PLEKHG4B: variants seen among roughly 807,000 people sequenced by gnomAD.
The protein encoded by PLEKHG4B is pleckstrin homology domain-containing family G member 4B.
PLEKHG4B carries 111 observed loss-of-function variants against 121.3 expected under a neutral mutation model. That is an observed-to-expected ratio of 0.92 (90% CI 0.78 to 1.07). The LOEUF (loss-of-function observed/expected upper bound fraction) is 1.07, where lower values mean the gene tolerates loss of function less well. Ranked by LOEUF, PLEKHG4B falls within the 50% of genes least tolerant of loss-of-function variation. PLEKHG4B has a pLI of 0.00. For missense variants in PLEKHG4B, 1,831 were observed against 1,757.8 expected, an observed-to-expected ratio of 1.04 and a Z score of -0.74; for synonymous variants, 738 against 725.0, an observed-to-expected ratio of 1.02 and a Z score of -0.29.
intron 2 of PLEKHG4B, among the ~76,000 whole-genome samples, chr5:117,103 G>A (rs1483355151): frequency 1.3e-5 from 2 of 152,114 alleles, no homozygotes; most frequent in Non-Finnish European, 2.9e-5. Context: ...TTCTGGAAAC[G>A]TCATGTGAAT....
chr5:128,030 A>C (rs2126377535), intron 2 of PLEKHG4B, among the ~76,000 whole-genome samples: 1 of 152,324 alleles, frequency 6.6e-6, no homozygotes, highest in African/African-American at 2.4e-5. Context: ...TGTTCAGGTA[A>C]AGATAAAAGA....
intron 2 of PLEKHG4B, among the ~76,000 whole-genome samples, chr5:134,326 A>G (rs1279587007): frequency 1.3e-5 from 2 of 151,754 alleles, no homozygotes; most frequent in Non-Finnish European, 2.9e-5. Context: ...TTCATGGGAA[A>G]GGGTGGGAGG....
intron 1 of PLEKHG4B, among the ~76,000 whole-genome samples, chr5:102,875 C>A (rs1409349445): frequency 6.6e-6 from 1 of 152,218 alleles, no homozygotes; most frequent in Non-Finnish European, 1.5e-5. Context: ...CTGTGTGACA[C>A]GTGGCTTTTT....
chr5:165,214 A>C (rs1396235364), intron 13 of PLEKHG4B, among the ~76,000 whole-genome samples: 1 of 33,624 alleles, frequency 3.0e-5, no homozygotes, highest in African/African-American at 1.1e-4. Flanking sequence ...GCTCACACTA[A>C]TGCTCTGACG....
rs1579323493 is a variant in PLEKHG4B at position 171,218 on chromosome 5, A to G, written c.3824A>G (p.Lys1275Arg). ...CCTCTCACCCGGCCCTTGCAGGACA[A>G]GCAGCGGGAGCTAGGTGACAAAATG... ...SSHGNAFFKD[K>R]QRELGDKMDL... The change falls in exon 16 of 20, where the codon AAG becomes AGG. Residue 1275 changes from lysine (K) to arginine (R), a missense_variant. By Grantham distance (26) the Lys-to-Arg change is conservative. Coordinates refer to ENST00000637938, the MANE Select transcript of PLEKHG4B (RefSeq NM_052909.5). The G allele has an allele frequency of 6.2e-7, 1 of 1,604,526 alleles. No individual in the cohort carries two copies. Among genetic ancestry groups the G allele is most frequent in the South Asian group, 1.1e-5 (1 of 90,494 alleles).
At chr5:145,974 ATCAG>A (rs1189342982) in intron 6 of PLEKHG4B, among the ~76,000 whole-genome samples, 1 of 151,964 alleles carries the variant, frequency 6.6e-6, no homozygotes, top group Admixed American at 6.5e-5. Flanking sequence ...CAGGAAAGAC[ATCAG>A]TCAGGGACAG....
chr5:181,888 C>CATGACTG, intron 19 of PLEKHG4B, 116 bp from the exon 20 acceptor site: 2 of 1,329,178 alleles, frequency 1.5e-6, no homozygotes, highest in South Asian at 2.7e-5. Flanking sequence ...GTTGGATGGG[C>CATGACTG]ATGACTGCAG....
intron 2 of PLEKHG4B, among the ~76,000 whole-genome samples, chr5:129,604 T>A (rs771564544): frequency 9.9e-5 from 15 of 152,188 alleles, no homozygotes; most frequent in Admixed American, 5.9e-4. Context: ...GTCACTTACA[T>A]TTTGCTCAGA....
chr5:144,543 T>C (rs1045695805), intron 5 of PLEKHG4B, among the ~76,000 whole-genome samples: 2 of 152,178 alleles, frequency 1.3e-5, no homozygotes, highest in African/African-American at 2.4e-5. Flanking sequence ...GCCCATTTCG[T>C]CCATCCAGGA....
chr5:158,945 T>G (rs759327066), intron 11 of PLEKHG4B, among the ~76,000 whole-genome samples: 1 of 152,246 alleles, frequency 6.6e-6, no homozygotes, highest in Non-Finnish European at 1.5e-5. Flanking sequence ...TTTGAGGCCG[T>G]GGTATCTAAA....
chr5:102,147 T>C (rs1157207512), intron 1 of PLEKHG4B, among the ~76,000 whole-genome samples: 1 of 151,598 alleles, frequency 6.6e-6, no homozygotes, highest in Non-Finnish European at 1.5e-5. Flanking sequence ...GGAAAAAGCC[T>C]GTAGGGGAGA....
chr5:140,017 A>G lies in PLEKHG4B; in HGVS notation c.778A>G (p.Ser260Gly). 2.4e-6 allele frequency: 1 copy of G among 411,094 alleles called. No individual in the cohort carries two copies. The allele number at this position is 411,094 out of a possible 1,614,324, so 25.5% of individuals were successfully genotyped here. The change falls in exon 3 of 20, where the codon AGC becomes GGC. Residue 260 changes from serine to glycine, a missense_variant. Ser to Gly is a moderately conservative substitution (Grantham distance 56). Coordinates refer to ENST00000637938, the MANE Select transcript of PLEKHG4B (RefSeq NM_052909.5). ...TSPCRRGHTG[S>G]DQLRHLPYPE... ...ACCCTGCCGCCGAGGGCATACGGGC[A>G]GCGACCAGCTCAGGCACCTTCCTTA...
chr5:139,377 T>TCTCTGACAA lies in PLEKHG4B; in HGVS notation c.244-106_244-105insCTCTGACAA. The TCTCTGACAA allele has an allele frequency of 2.5e-6, 1 of 398,452 alleles. No individual in the cohort carries two copies. The highest frequency in any genetic ancestry group is 4.4e-6 in the Non-Finnish European group (1 of 226,348). The allele number at this position is 398,452 out of a possible 1,614,324, so 24.7% of individuals were successfully genotyped here. A position where few individuals can be genotyped will look rare whatever the true frequency, so the allele number is the denominator to read the frequency against. ...CAGCCCCCGTGAGACCCCTTCCTTG[T>TCTCTGACAA]GGGAGCTCAGTCACTGACCTTCCCC... On this transcript the variant is annotated intron_variant, in intron 2 of 19. Coordinates refer to ENST00000637938, the MANE Select transcript of PLEKHG4B (RefSeq NM_052909.5). The surrounding 1 kb of genome is among the most constrained non-coding windows in gnomAD (Gnocchi z 5.0).
Position 162,826 on chromosome 5 carries a change from G to A in PLEKHG4B, c.2754G>A (p.Glu918=). 6.6e-7 allele frequency: 1 copy of A among 1,511,344 alleles called. No homozygotes were observed. The highest frequency in any genetic ancestry group is 8.9e-7 in the Non-Finnish European group (1 of 1,129,548). 93.6% of individuals were successfully genotyped at this position (1,511,344 alleles called of 1,614,324 possible). A position where few individuals can be genotyped will look rare whatever the true frequency, so the allele number is the denominator to read the frequency against. Residue 918 remains glutamate (E), a synonymous_variant, in exon 13 of 20, where the codon GAG becomes GAA. Coordinates refer to ENST00000637938, the MANE Select transcript of PLEKHG4B (RefSeq NM_052909.5). ...AGGAGGCTACCTCGGTGGCTGCAGA[G>A]GCCTTCCCCGGGGCAGGTGTGGCAG... The part of the protein sequence containing the change: ...CHQEATSVAA[E]AFPGAGVAVL...
intron 11 of PLEKHG4B, among the ~76,000 whole-genome samples, chr5:160,709 T>C (rs546780196): frequency 7.9e-5 from 12 of 152,328 alleles, no homozygotes; most frequent in African/African-American, 2.9e-4. Flanking sequence ...TATAGAATTA[T>C]TAGTGTATTT....
intron 16 of PLEKHG4B, among the ~76,000 whole-genome samples, chr5:172,125 G>C (rs112188770): frequency 6.6e-6 from 1 of 152,094 alleles, no homozygotes; most frequent in Non-Finnish European, 1.5e-5. Flanking sequence ...GCTGGAAAAG[G>C]CAGGCCCATC....
At chr5:121,647 G>A (rs1734473126) in intron 2 of PLEKHG4B, among the ~76,000 whole-genome samples, 1 of 152,150 alleles carries the variant, frequency 6.6e-6, no homozygotes, top group Non-Finnish European at 1.5e-5. Flanking sequence ...GGAACAGTAA[G>A]AATGACCGAT....
At chr5:122,671 C>T (rs780881850) in intron 2 of PLEKHG4B, among the ~76,000 whole-genome samples, 87 of 152,176 alleles carry the variant, frequency 5.7e-4, no homozygotes, top group Non-Finnish European at 8.2e-4. Flanking sequence ...CCACCTGCCT[C>T]GGCCTCCCAA....
intron 1 of PLEKHG4B, among the ~76,000 whole-genome samples, chr5:111,699 C>T (rs958091832): frequency 2.6e-5 from 4 of 152,174 alleles, no homozygotes; most frequent in African/African-American, 9.7e-5. Context: ...GAACAGGCCT[C>T]TTCCGGAGAT....
Sources: gnomAD v4.1 joint callset for allele counts (sites outside exome capture counted in the v4.1 genomes callset) on GRCh38, gnomAD v4.1.1 for gene constraint, Gnocchi (gnomAD v3.1) non-coding constraint, MANE v1.5 for transcripts, NCBI Gene and HGNC (gene_info 2026-07-23, HGNC 2026-07-21) for gene names.